The following PRELID2 variants were observed in gnomAD, a reference collection of about 807,000 sequenced individuals.
The protein encoded by PRELID2 is PRELI domain-containing protein 2.
Under a neutral mutation model 28.4 loss-of-function variants are expected in PRELID2, and 25 were observed. The ratio of observed to expected loss-of-function variants is 0.88; its 90% CI spans 0.64 to 1.23. The LOEUF is 1.23. PRELID2 is among the 50% of genes most tolerant of loss of function. The pLI is 0.00. For synonymous variants in PRELID2, 76 were observed against 71.6 expected (o/e 1.06, Z -0.31); for missense variants, 201 against 214.4 (o/e 0.94, Z 0.39).
the PRELID2 span, among the ~76,000 whole-genome samples, chr5:145,370,038 T>C: frequency 6.6e-6 from 1 of 152,072 alleles, no homozygotes; most frequent in Non-Finnish European, 1.5e-5. Context: ...GTCAGATAGA[T>C]AGATTGCAAA....
At chr5:145,364,138 G>A in the PRELID2 span, among the ~76,000 whole-genome samples, 1 of 151,912 alleles carries the variant, frequency 6.6e-6, no homozygotes, top group Non-Finnish European at 1.5e-5. Flanking sequence ...AAATAGGAGT[G>A]TGATACAAAT....
In PRELID2 at chr5:145,802,635, T is replaced by C. The variant is rs985912617; in HGVS notation, c.369-6088A>G. 4.9e-4 allele frequency among the ~76,000 whole-genome samples: 75 copies of C among 152,200 alleles called. 1 individual carries two copies. Among genetic ancestry groups the C allele is most frequent in the Non-Finnish European group, 2.9e-5 (2 of 68,040 alleles). ...AGACAACCTTCACCTGATTGTGGGA[T>C]GAGCCACCTAAAAAATCTGAGAGTG... On this transcript the variant is annotated intron_variant, in intron 4 of 6. Transcript: ENST00000683046.
the PRELID2 span, among the ~76,000 whole-genome samples, chr5:145,247,773 A>G: frequency 6.6e-6 from 1 of 152,114 alleles, no homozygotes; most frequent in Non-Finnish European, 1.5e-5. Context: ...AAGGCCAAGA[A>G]AATCTGACAT....
intron 1 of PRELID2, among the ~76,000 whole-genome samples, chr5:145,489,369 A>G (rs548067321): frequency 6.6e-6 from 1 of 152,314 alleles, no homozygotes; most frequent in Non-Finnish European, 1.5e-5. Flanking sequence ...CATTTTAGTG[A>G]TAGTAATACT....
At chr5:145,749,165 T>C (rs1375540650) in intron 1 of PRELID2, among the ~76,000 whole-genome samples, 2 of 152,020 alleles carry the variant, frequency 1.3e-5, no homozygotes, top group Non-Finnish European at 2.9e-5. Flanking sequence ...AAAGAAACTA[T>C]CATCAGAGTG....
At chr5:145,801,915 G>C (rs1171021378) in intron 4 of PRELID2, among the ~76,000 whole-genome samples, 1 of 152,100 alleles carries the variant, frequency 6.6e-6, no homozygotes, top group South Asian at 2.1e-4. Flanking sequence ...CTACTGCCTG[G>C]GCTTGGCATA....
At chr5:145,710,430 T>C (rs1431317571) in intron 1 of PRELID2, among the ~76,000 whole-genome samples, 1 of 152,048 alleles carries the variant, frequency 6.6e-6, no homozygotes, top group Non-Finnish European at 1.5e-5. Context: ...TTCAAAAAGG[T>C]AGGAAATAGA....
At chr5:145,492,198 G>A (rs889783121) in intron 1 of PRELID2, among the ~76,000 whole-genome samples, 1 of 152,052 alleles carries the variant, frequency 6.6e-6, no homozygotes, top group Non-Finnish European at 1.5e-5. Flanking sequence ...TCCAACACTT[G>A]TTATCTTTTG....
chr5:145,332,209 C>G, the PRELID2 span, among the ~76,000 whole-genome samples: 1 of 152,152 alleles, frequency 6.6e-6, no homozygotes, highest in Non-Finnish European at 1.5e-5. Context: ...TTTTTTCCTT[C>G]ATTTCAACCT....
intron 1 of PRELID2, among the ~76,000 whole-genome samples, chr5:145,493,701 C>T (rs553373824): frequency 1.2e-4 from 19 of 152,158 alleles, no homozygotes; most frequent in African/African-American, 4.1e-4. Context: ...TTTCCTTCTC[C>T]GCCTCTTCCA....
chr5:145,701,412 A>T (rs1051872935), intron 1 of PRELID2, among the ~76,000 whole-genome samples: 1 of 152,382 alleles, frequency 6.6e-6, no homozygotes, highest in Admixed American at 6.5e-5. Flanking sequence ...CTAGAAAAAA[A>T]TTAATGTAAT....
At chr5:145,539,901 A>C (rs192907221) in intron 1 of PRELID2, among the ~76,000 whole-genome samples, 4 of 151,888 alleles carry the variant, frequency 2.6e-5, no homozygotes, top group Admixed American at 6.6e-5. Flanking sequence ...GTTAGTATTA[A>C]ATGAAAAACA....
At chr5:145,423,556 G>C in the PRELID2 span, among the ~76,000 whole-genome samples, 1 of 141,220 alleles carries the variant, frequency 7.1e-6, no homozygotes, top group East Asian at 2.0e-4. Context: ...CATTCTTCAC[G>C]TAGTTCTCGA....
At chr5:145,469,314 C>T (rs539667895), downstream of PRELID2, among the ~76,000 whole-genome samples, 16 of 152,042 alleles carry the variant, frequency 1.1e-4, no homozygotes, top group Non-Finnish European at 2.1e-4. Context: ...AGTAGTAAAT[C>T]CTGAGCCATG....
the PRELID2 span, among the ~76,000 whole-genome samples, chr5:145,288,667 G>A: frequency 6.6e-6 from 1 of 152,108 alleles, no homozygotes; most frequent in Non-Finnish European, 1.5e-5. Flanking sequence ...ATAAGTGCAT[G>A]TGTATACATA....
the PRELID2 span, among the ~76,000 whole-genome samples, chr5:145,230,244 G>A: frequency 6.6e-6 from 1 of 152,206 alleles, no homozygotes; most frequent in East Asian, 1.9e-4. Context: ...GGAAGGGTGT[G>A]GGGAAGCTGC....
intron 1 of PRELID2, among the ~76,000 whole-genome samples, chr5:145,489,087 C>T (rs1752245994): frequency 6.6e-6 from 1 of 152,146 alleles, no homozygotes; most frequent in Non-Finnish European, 1.5e-5. Context: ...CTACAGTACC[C>T]TATCTATGAG....
the PRELID2 span, among the ~76,000 whole-genome samples, chr5:145,455,307 C>G: frequency 3.8e-4 from 58 of 152,058 alleles, no homozygotes; most frequent in African/African-American, 1.4e-3. Context: ...TGTTCCATTG[C>G]TCTATATATC....
the PRELID2 span, among the ~76,000 whole-genome samples, chr5:145,302,343 G>T: frequency 6.6e-6 from 1 of 151,636 alleles, no homozygotes; most frequent in Non-Finnish European, 1.5e-5. Flanking sequence ...TCTCCGTGTT[G>T]CCCAGGATGC....
Sources: allele counts gnomAD v4.1 joint callset (sites outside exome capture counted in the v4.1 genomes callset), GRCh38; gene constraint gnomAD v4.1.1; transcripts MANE v1.5; gene names NCBI Gene and HGNC (gene_info 2026-07-23, HGNC 2026-07-21).